Variants in SLX4IP observed in about 807,000 individuals in gnomAD.
SLX4IP encodes protein SLX4IP.
In SLX4IP, 34 loss-of-function variants were observed where a neutral mutation model predicts 32.9. That is an observed-to-expected ratio of 1.03 (90% CI 0.79 to 1.38). The LOEUF (loss-of-function observed/expected upper bound fraction) is 1.38, where lower values mean the gene tolerates loss of function less well. Among genes scored for constraint, SLX4IP ranks in the 40% most tolerant of loss-of-function variants. The pLI is 0.00. For missense variants in SLX4IP, 444 were observed against 479.0 expected, an observed-to-expected ratio of 0.93 and a Z score of 0.68; for synonymous variants, 172 against 171.7, an observed-to-expected ratio of 1.00 and a Z score of -0.01.
intron 2 of SLX4IP, among the ~76,000 whole-genome samples, chr20:10,505,250 A>T (rs2065749476): frequency 1.3e-5 from 2 of 152,148 alleles, no homozygotes; most frequent in African/African-American, 4.8e-5. Context: ...GAACATTTAA[A>T]CTCTAGACTC....
chr20:10,609,933 T>A (rs897783815), intron 6 of SLX4IP, among the ~76,000 whole-genome samples: 2 of 150,312 alleles, frequency 1.3e-5, no homozygotes, highest in Admixed American at 1.3e-4. Flanking sequence ...TCCTTAAAAT[T>A]AAAAAAAAAA....
intron 2 of SLX4IP, among the ~76,000 whole-genome samples, chr20:10,474,513 T>G (rs225148): frequency 6.6e-6 from 1 of 152,006 alleles, no homozygotes; most frequent in African/African-American, 2.4e-5. Context: ...CCTTCTTTAC[T>G]TTAGGTATTG....
intron 6 of SLX4IP, among the ~76,000 whole-genome samples, chr20:10,605,517 C>T (rs1266193976): frequency 6.6e-6 from 1 of 152,144 alleles, no homozygotes; most frequent in Admixed American, 6.5e-5. Context: ...TCTCTTCTGC[C>T]GTTCCTCAGA....
Position 10,627,278 on chromosome 20 carries a change from A to G in SLX4IP, c.*3899A>G, listed in dbSNP as rs2067183635. On this transcript the variant is annotated 3_prime_UTR_variant, in exon 8 of 8. Coordinates refer to ENST00000334534, the MANE Select transcript of SLX4IP (RefSeq NM_001009608.3). ...ATTTCCATGCTTGGTTTGTCAAGACAAGAGAATTCATTCCTTATTATTGAA... is the reference window on the plus strand; with the variant it reads ...ATTTCCATGCTTGGTTTGTCAAGACGAGAGAATTCATTCCTTATTATTGAA... 6.6e-6 allele frequency: 1 copy of G among 152,222 alleles called. No individual in the cohort carries two copies. The highest frequency in any genetic ancestry group is 2.4e-5 in the African/African-American group (1 of 41,458). 9.4% of individuals were successfully genotyped at this position (152,222 alleles called of 1,614,324 possible).
At chr20:10,449,691 A>G (rs1005844336) in intron 1 of SLX4IP, among the ~76,000 whole-genome samples, 16 of 152,200 alleles carry the variant, frequency 1.1e-4, no homozygotes. Context: ...AACATTGTGG[A>G]AACAAGTGAA....
At chr20:10,460,107 A>G (rs1236721761) in intron 2 of SLX4IP, among the ~76,000 whole-genome samples, 2 of 152,160 alleles carry the variant, frequency 1.3e-5, no homozygotes, top group Non-Finnish European at 2.9e-5. Flanking sequence ...CTGTGAAGGC[A>G]TGTAAGTGAT....
chr20:10,513,898 C>T (rs1414323027), intron 2 of SLX4IP, among the ~76,000 whole-genome samples: 2 of 152,122 alleles, frequency 1.3e-5, no homozygotes, highest in East Asian at 3.9e-4. Context: ...TACTTTAGGC[C>T]CCCTACTTCT....
At chr20:10,598,890 G>T (rs569735691) in intron 5 of SLX4IP, 138 bp downstream of exon 5, 7 of 816,960 alleles carry the variant, frequency 8.6e-6, no homozygotes, top group South Asian at 3.1e-5. Flanking sequence ...GAAAGTTTGC[G>T]ATTTCTTTCC....
chr20:10,561,657 T>G (rs2066334207), intron 4 of SLX4IP, among the ~76,000 whole-genome samples: 1 of 151,924 alleles, frequency 6.6e-6, no homozygotes, highest in South Asian at 2.1e-4. Context: ...CTTTTATCCC[T>G]CACTCCCTTC....
At chr20:10,546,481 T>C (rs1175372944) in intron 2 of SLX4IP, among the ~76,000 whole-genome samples, 1 of 152,204 alleles carries the variant, frequency 6.6e-6, no homozygotes, top group Non-Finnish European at 1.5e-5. Flanking sequence ...CTTATGGAAC[T>C]AACAGTTCAG....
At chr20:10,497,548 C>G (rs2065679105) in intron 2 of SLX4IP, among the ~76,000 whole-genome samples, 1 of 151,988 alleles carries the variant, frequency 6.6e-6, no homozygotes, top group South Asian at 2.1e-4. Context: ...TTTTCGGAAA[C>G]TTTATTTCTG....
chr20:10,458,529 C>T (rs1387104670), intron 2 of SLX4IP, among the ~76,000 whole-genome samples: 1 of 152,092 alleles, frequency 6.6e-6, no homozygotes, highest in African/African-American at 2.4e-5. Context: ...CCTTCCCCCA[C>T]AACAGGTCCC....
At chr20:10,501,821 C>T (rs1216989000) in intron 2 of SLX4IP, among the ~76,000 whole-genome samples, 4 of 152,112 alleles carry the variant, frequency 2.6e-5, no homozygotes, top group African/African-American at 4.8e-5. Flanking sequence ...TCTTCCGAGA[C>T]GCAGACAACT....
At chr20:10,556,148 A>T in intron 2 of SLX4IP, 83 bp from the exon 3 acceptor site, 1 of 1,287,426 alleles carries the variant, frequency 7.8e-7, no homozygotes, top group Non-Finnish European at 1.1e-6. Context: ...ATGAGCAACC[A>T]CATAGGAATT....
intron 2 of SLX4IP, among the ~76,000 whole-genome samples, chr20:10,526,889 T>G (rs1167931949): frequency 1.3e-5 from 2 of 151,968 alleles, no homozygotes; most frequent in Non-Finnish European, 1.5e-5. Context: ...GAGGCAGAGG[T>G]TGCAGTGAGC....
At chr20:10,549,853 C>G (rs1433203673) in intron 2 of SLX4IP, among the ~76,000 whole-genome samples, 2 of 152,180 alleles carry the variant, frequency 1.3e-5, no homozygotes, top group Non-Finnish European at 2.9e-5. Flanking sequence ...AAATGGCAAT[C>G]AATATTTTAA....
chr20:10,462,807 T>C (rs1568692251), intron 2 of SLX4IP, among the ~76,000 whole-genome samples: 1 of 152,334 alleles, frequency 6.6e-6, no homozygotes, highest in South Asian at 2.1e-4. Flanking sequence ...GGTATGATCC[T>C]TTCTTCCCCA....
At chr20:10,608,674 A>C (rs1482854511) in intron 6 of SLX4IP, among the ~76,000 whole-genome samples, 1 of 107,370 alleles carries the variant, frequency 9.3e-6, no homozygotes, top group Admixed American at 1.0e-4. Flanking sequence ...ACTCTGTCTC[A>C]AAAAAAAAAA....
chr20:10,551,902 G>A (rs550399542), intron 2 of SLX4IP, among the ~76,000 whole-genome samples: 2 of 152,358 alleles, frequency 1.3e-5, no homozygotes, highest in African/African-American at 4.8e-5. Flanking sequence ...TTATAGGTTA[G>A]AGATTTCCCA....
Sources: gnomAD v4.1 joint callset for allele counts (sites outside exome capture counted in the v4.1 genomes callset) on GRCh38, gnomAD v4.1.1 for gene constraint, MANE v1.5 for transcripts, NCBI Gene and HGNC (gene_info 2026-07-23, HGNC 2026-07-21) for gene names.